GTF3A: variants seen among roughly 807,000 people sequenced by gnomAD.
The protein encoded by GTF3A is general transcription factor IIIA, also known as transcription factor IIIA.
In GTF3A, 40 loss-of-function variants were observed where a neutral mutation model predicts 37.6. The ratio of observed to expected loss-of-function variants is 1.06; its 90% CI spans 0.83 to 1.38. GTF3A has a LOEUF of 1.38. Among genes scored for constraint, GTF3A ranks in the 40% most tolerant of loss-of-function variants. The pLI is 0.00. For missense variants in GTF3A, 500 were observed against 462.6 expected, an observed-to-expected ratio of 1.08 and a Z score of -0.74; for synonymous variants, 191 against 166.7, an observed-to-expected ratio of 1.15 and a Z score of -1.12.
intron 7 of GTF3A, 37 bp from the exon 8 acceptor site, chr13:27,435,096 A>G: frequency 6.3e-7 from 1 of 1,577,044 alleles, no homozygotes; most frequent in Non-Finnish European, 8.7e-7. Context: ...TGGTTTTCAT[A>G]TTAATATTTC....
intron 6 of GTF3A, among the ~76,000 whole-genome samples, chr13:27,434,438 C>T (rs1305603747): frequency 1.3e-5 from 2 of 152,178 alleles, no homozygotes; most frequent in Non-Finnish European, 2.9e-5. Flanking sequence ...AAGGCGGTGG[C>T]AGGTCTGTAG....
intron 3 of GTF3A, 59 bp from the exon 4 acceptor site, chr13:27,430,474 C>T (rs764373134): frequency 1.9e-5 from 20 of 1,040,084 alleles, no homozygotes; most frequent in Admixed American, 4.1e-5. Flanking sequence ...GATTCTGTTA[C>T]GAACTGTTCA....
intron 2 of GTF3A, chr13:27,429,151 T>G (rs1202610805): frequency 6.9e-6 from 1 of 144,732 alleles, no homozygotes; most frequent in Non-Finnish European, 1.5e-5. Context: ...TGCTGGCTTG[T>G]TTGTCTCTGC....
Position 27,434,988 on chromosome 13 carries a change from C to G in GTF3A, c.827C>G (p.Pro276Arg). ...CTCTCCTTCCATGAGGAAAGCCGCC[C>G]TTTTGTGTGTGAACATGCTGGCTGT... Residue 276 changes from proline to arginine, a missense_variant, in exon 7 of 9, where the codon CCT (proline) becomes CGT (arginine). By Grantham distance (103) the Pro-to-Arg change is moderately radical. Coordinates refer to ENST00000381140, the MANE Select transcript of GTF3A (RefSeq NM_002097.3). 1.9e-6 allele frequency: 3 copies of G among 1,611,890 alleles called. No homozygotes were observed. The highest frequency in any genetic ancestry group is 2.5e-6 in the Non-Finnish European group (3 of 1,177,970).
chr13:27,430,343 T>A (rs1270426837), intron 3 of GTF3A, among the ~76,000 whole-genome samples, 190 bp from the exon 4 acceptor site: 1 of 152,232 alleles, frequency 6.6e-6, no homozygotes, highest in East Asian at 1.9e-4. Flanking sequence ...ACTGAAACAG[T>A]TTTGCTTTTT....
chr13:27,434,490 G>A (rs1012298756), intron 6 of GTF3A, among the ~76,000 whole-genome samples: 4 of 151,728 alleles, frequency 2.6e-5, no homozygotes, highest in Admixed American at 2.6e-4. Flanking sequence ...GGGACCGCCT[G>A]GGAAACAGTA....
chr13:27,429,757 T>C (rs2138024083), intron 2 of GTF3A, 113 bp from the exon 3 acceptor site: 4 of 573,414 alleles, frequency 7.0e-6, no homozygotes, highest in Non-Finnish European at 3.1e-6. Context: ...GACTATTTTA[T>C]AGTATTACTA....
At chr13:27,428,109 GAAAT>G (rs1376103648) in intron 2 of GTF3A, among the ~76,000 whole-genome samples, 1 of 152,168 alleles carries the variant, frequency 6.6e-6, no homozygotes, top group African/African-American at 2.4e-5. Context: ...CTCTATTAAA[GAAAT>G]AAATAAATAA....
At chr13:27,426,935 AG>A (rs1418802230) in intron 1 of GTF3A, among the ~76,000 whole-genome samples, 156 bp from the exon 2 acceptor site, 10 of 152,250 alleles carry the variant, frequency 6.6e-5, no homozygotes, top group Admixed American at 6.5e-4. Context: ...AACTTTGTGC[AG>A]GAACACTGCG....
chr13:27,430,477 A>G, intron 3 of GTF3A, 56 bp from the exon 4 acceptor site: 1 of 1,064,574 alleles, frequency 9.4e-7, no homozygotes. Context: ...TCTGTTACGA[A>G]CTGTTCATTT....
chr13:27,425,058 A>T, intron 1 of GTF3A, 120 bp downstream of exon 1: 1 of 657,694 alleles, frequency 1.5e-6, no homozygotes, highest in Non-Finnish European at 2.5e-6. Flanking sequence ...TTTGACATCC[A>T]GGACTTGGGG....
rs758341414 is a variant in GTF3A at position 27,427,187 on chromosome 13, G to C, written c.297G>C (p.Pro99=). Residue 99 remains proline, a synonymous_variant, in exon 2 of 9, where the codon CCG becomes CCC. Coordinates refer to ENST00000381140, the MANE Select transcript of GTF3A (RefSeq NM_002097.3). Reference sequence around the variant, plus strand: ...TTCTGACTCACACAGGAGAAAAGCCGTTTGTGTAAGTAGAGACCTGTTTTT... The same window carrying C: ...TTCTGACTCACACAGGAGAAAAGCCCTTTGTGTAAGTAGAGACCTGTTTTT... 1.3e-6 allele frequency: 2 copies of C among 1,546,300 alleles called. No individual in the cohort carries two copies. The highest frequency in any genetic ancestry group is 2.3e-5 in the South Asian group (2 of 88,450).
At position 27,434,341 on chromosome 13, in the gene GTF3A, T is replaced by TGAA. The variant is rs1246420000; in HGVS notation, c.643+124_643+126dup. On this transcript the variant is annotated intron_variant, in intron 6 of 8. Transcript: ENST00000381140. Reference sequence around the variant, plus strand: ...AAAAGGGTTTCTCTATGATATTTTGTGAAGTGCTGGGTATGATGTTGTTGG... The same window carrying TGAA: ...AAAAGGGTTTCTCTATGATATTTTGTGAAGAAGTGCTGGGTATGATGTTGTTGG... 3 of 703,682 alleles carry TGAA rather than the reference T, an allele frequency of 4.3e-6. No individual in the cohort carries two copies. In the African/African-American group the frequency reaches 5.3e-5, roughly 12 times the overall value. The allele number at this position is 703,682 out of a possible 1,614,324, so 43.6% of individuals were successfully genotyped here.
rs763002595 is a variant in GTF3A, at chr13:27,434,223, A to AGGCAGGCATGAAT, written c.643+15_643+27dup. On this transcript the variant is annotated splice_donor_region_variant and intron_variant, in intron 6 of 8. Transcript: ENST00000381140. ...CATGTGAGAGAAACCCATAAAGGTA[A>AGGCAGGCATGAAT]GGCAGGCATGAATGGCAGGCATGGT... The AGGCAGGCATGAAT allele has an allele frequency of 1.8e-6, 2 of 1,136,414 alleles. No individual in the cohort carries two copies. The highest frequency in any genetic ancestry group is 1.7e-5 in the Admixed American group (1 of 59,454). 70.4% of individuals were successfully genotyped at this position (1,136,414 alleles called of 1,614,324 possible).
Position 27,431,008 on chromosome 13 carries a change from CAGA to C in GTF3A, c.488+390_488+392del, listed in dbSNP as rs534321397. Among the ~76,000 whole-genome samples the C allele has an allele frequency of 7.6e-3, 1,152 of 152,262 alleles. 8 individuals carry two copies. Among genetic ancestry groups the C allele is most frequent in the Middle Eastern group, 0.024 (7 of 294 alleles). ...AGAATTCTTTGCCTAGGCTGATGTC[CAGA>C]AGTTTTTCCAATGTTTTCATTTTGA... On this transcript the variant is annotated intron_variant, in intron 4 of 8. Coordinates refer to ENST00000381140, the MANE Select transcript of GTF3A (RefSeq NM_002097.3).
At position 27,434,851 on chromosome 13, in the gene GTF3A, T is replaced by C. The variant is rs1953694671; in HGVS notation, c.690T>C (p.Asp230=). The C allele has an allele frequency of 3.1e-6, 5 of 1,613,304 alleles. No homozygotes were observed. Among genetic ancestry groups the C allele is most frequent in the Non-Finnish European group, 4.2e-6 (5 of 1,179,352 alleles). Residue 230 remains aspartate (D), a synonymous_variant, in exon 7 of 9, where the codon GAT becomes GAC. Transcript: ENST00000381140. ...GCCGGAAAACATTTAAACGCAAAGATTACCTTAAGCAACACATGAAAACTC... is the reference window on the plus strand; with the variant it reads ...GCCGGAAAACATTTAAACGCAAAGACTACCTTAAGCAACACATGAAAACTC...
rs754384678 is a variant in GTF3A, at chr13:27,430,549, G to GT, written c.417dup (p.Lys140Ter). Reference sequence around the variant, plus strand: ...ATTTAACAGTGCAGTTTTGAAGACTGTAAGAAGACCTTTAAGAAACATCAG... The same window carrying GT: ...ATTTAACAGTGCAGTTTTGAAGACTGTTAAGAAGACCTTTAAGAAACATCAG... On this transcript the variant is annotated frameshift_variant, in exon 4 of 9. Coordinates refer to ENST00000381140, the MANE Select transcript of GTF3A (RefSeq NM_002097.3). LOFTEE classifies it high-confidence loss of function. 3 of 1,609,612 alleles carry GT rather than the reference G, an allele frequency of 1.9e-6. No individual in the cohort carries two copies. The highest frequency in any genetic ancestry group is 2.7e-5 in the African/African-American group (2 of 74,838).
In GTF3A at chr13:27,424,637, C is replaced by A; in HGVS notation, c.-101C>A. ...CTCCCGGAAGTGTGCCGGCGTCGCG[C>A]GAAGGTTCAGCAGGGAGCCGTGGGC... On this transcript the variant is annotated 5_prime_UTR_variant, in exon 1 of 9. Transcript: ENST00000381140. 1 of 810,856 alleles carries A rather than the reference C, an allele frequency of 1.2e-6. No homozygotes were observed. Among genetic ancestry groups the A allele is most frequent in the Non-Finnish European group, 1.7e-6 (1 of 599,502 alleles). 50.2% of individuals were successfully genotyped at this position (810,856 alleles called of 1,614,324 possible). A position where few individuals can be genotyped will look rare whatever the true frequency, so the allele number is the denominator to read the frequency against.
chr13:27,432,011 A>G (rs1229785356), intron 4 of GTF3A, among the ~76,000 whole-genome samples: 2 of 152,248 alleles, frequency 1.3e-5, no homozygotes, highest in African/African-American at 4.8e-5. Flanking sequence ...ACTATATGAA[A>G]TGTCATTATG....
Sources: allele counts gnomAD v4.1 joint callset (sites outside exome capture counted in the v4.1 genomes callset), GRCh38; gene constraint gnomAD v4.1.1; transcripts MANE v1.5; gene names NCBI Gene and HGNC (gene_info 2026-07-23, HGNC 2026-07-21).